MCC: variants seen among roughly 807,000 people sequenced by gnomAD.
MCC encodes the protein MCC regulator of Wnt signaling pathway.
In MCC, 90 loss-of-function variants were observed where a neutral mutation model predicts 116.2. That is an observed-to-expected ratio of 0.77 (90% confidence interval 0.65 to 0.92). MCC has a LOEUF of 0.92. MCC is among the 40% of genes least tolerant of loss of function. The probability of loss-of-function intolerance (pLI) is 0.00; values close to 1 mark genes in which losing one functional copy is unlikely to be tolerated. For synonymous variants in MCC, 578 were observed against 510.5 expected, an observed-to-expected ratio of 1.13 and a Z score of -1.78; for missense variants, 1,516 against 1,312.2, an observed-to-expected ratio of 1.16 and a Z score of -2.40.
intron 3 of MCC, among the ~76,000 whole-genome samples, chr5:113,205,466 T>C (rs1581251125): frequency 6.6e-6 from 1 of 152,220 alleles, no homozygotes; most frequent in South Asian, 2.1e-4. Flanking sequence ...TGCTCTGCCA[T>C]GTCCCTTGTG....
At chr5:113,378,208 C>T (rs1256916797) in intron 2 of MCC, among the ~76,000 whole-genome samples, 1 of 152,198 alleles carries the variant, frequency 6.6e-6, no homozygotes, top group Non-Finnish European at 1.5e-5. Flanking sequence ...CTCCCTTGGG[C>T]TTGTGGGTTT....
At chr5:113,231,831 G>A (rs1763950773) in intron 3 of MCC, among the ~76,000 whole-genome samples, 1 of 152,074 alleles carries the variant, frequency 6.6e-6, no homozygotes, top group African/African-American at 2.4e-5. Context: ...TTTATTATAA[G>A]GCTATTTCAC....
chr5:113,152,674 G>C (rs958597810), intron 3 of MCC, among the ~76,000 whole-genome samples: 2 of 152,300 alleles, frequency 1.3e-5, no homozygotes, highest in South Asian at 4.2e-4. Flanking sequence ...TTCAGGGTGA[G>C]GGTGGGGTGG....
intron 3 of MCC, among the ~76,000 whole-genome samples, chr5:113,271,173 G>C (rs1765605310): frequency 6.6e-6 from 1 of 152,178 alleles, no homozygotes; most frequent in African/African-American, 2.4e-5. Context: ...GAATTGCAAG[G>C]ATATAATGCA....
intron 3 of MCC, among the ~76,000 whole-genome samples, chr5:113,226,331 G>GT (rs1473547548): frequency 6.6e-6 from 1 of 152,246 alleles, no homozygotes; most frequent in Non-Finnish European, 1.5e-5. Context: ...AGGGATGAAT[G>GT]TAACTGGAAA....
intron 3 of MCC, among the ~76,000 whole-genome samples, chr5:113,168,985 G>C (rs1035456281): frequency 6.6e-6 from 1 of 152,164 alleles, no homozygotes; most frequent in African/African-American, 2.4e-5. Flanking sequence ...GATTGTGTTA[G>C]CTAAGCAAAC....
chr5:113,179,210 T>C (rs1028169395), intron 3 of MCC, among the ~76,000 whole-genome samples: 1 of 152,178 alleles, frequency 6.6e-6, no homozygotes, highest in African/African-American at 2.4e-5. Flanking sequence ...TATAGCACCA[T>C]TAATCTTATG....
At chr5:113,444,017 G>C (rs1771131397) in intron 1 of MCC, among the ~76,000 whole-genome samples, 1 of 151,830 alleles carries the variant, frequency 6.6e-6, no homozygotes, top group Admixed American at 6.6e-5. Flanking sequence ...GTGTGTGTGT[G>C]TGTGTTTAGT....
chr5:113,187,856 G>T (rs1311806974), intron 3 of MCC, among the ~76,000 whole-genome samples: 3 of 151,950 alleles, frequency 2.0e-5, no homozygotes, highest in African/African-American at 7.3e-5. Flanking sequence ...CATCACAAAT[G>T]TGAGCCATAC....
chr5:113,121,232 G>A (rs1453085977), intron 6 of MCC, among the ~76,000 whole-genome samples: 3 of 152,136 alleles, frequency 2.0e-5, no homozygotes, highest in Non-Finnish European at 4.4e-5. Context: ...TTCATCTATG[G>A]ATTCTTTCTC....
chr5:113,287,737 A>C (rs1766319859), intron 3 of MCC, among the ~76,000 whole-genome samples: 1 of 152,206 alleles, frequency 6.6e-6, no homozygotes. Context: ...CTAGGCAGCT[A>C]TTACAACTGC....
chr5:113,220,338 C>T (rs1763502359), intron 3 of MCC, among the ~76,000 whole-genome samples: 2 of 151,916 alleles, frequency 1.3e-5, no homozygotes, highest in African/African-American at 2.4e-5. Context: ...GGATTTCAGG[C>T]GTGAGCCACT....
intron 18 of MCC, among the ~76,000 whole-genome samples, chr5:113,027,797 T>C (rs1221703711): frequency 6.6e-6 from 1 of 152,190 alleles, no homozygotes; most frequent in Non-Finnish European, 1.5e-5. Flanking sequence ...AACGGATAAA[T>C]ACAAATAGTG....
intron 2 of MCC, among the ~76,000 whole-genome samples, chr5:113,366,324 T>C (rs1357703944): frequency 1.3e-5 from 2 of 150,362 alleles, no homozygotes; most frequent in Non-Finnish European, 3.0e-5. Flanking sequence ...TCTTAGTAGG[T>C]TTTTTTTTAT....
At chr5:113,217,132 A>G (rs2150326702) in intron 3 of MCC, among the ~76,000 whole-genome samples, 1 of 152,346 alleles carries the variant, frequency 6.6e-6, no homozygotes, top group East Asian at 1.9e-4. Flanking sequence ...CATATTTTAA[A>G]TTATGAAAAC....
intron 1 of MCC, among the ~76,000 whole-genome samples, chr5:113,416,356 T>C (rs896348535): frequency 6.6e-6 from 1 of 152,000 alleles, no homozygotes; most frequent in Non-Finnish European, 1.5e-5. Flanking sequence ...GAGTTTGAGG[T>C]TGTAGTGTGC....
At chr5:113,308,706 G>A (rs1767058715) in intron 3 of MCC, among the ~76,000 whole-genome samples, 1 of 152,034 alleles carries the variant, frequency 6.6e-6, no homozygotes, top group Non-Finnish European at 1.5e-5. Context: ...AGCTACTCAG[G>A]ACGCTGAAGT....
At chr5:113,456,832 G>A (rs998445575) in intron 1 of MCC, among the ~76,000 whole-genome samples, 7 of 151,272 alleles carry the variant, frequency 4.6e-5, no homozygotes, top group East Asian at 1.9e-4. Context: ...TGTGCACAAC[G>A]TGCACTACTT....
chr5:113,064,132 G>A lies in MCC; in HGVS notation c.2065C>T (p.Leu689Phe), dbSNP rs1050895533. ...TTCCGGCAGTCATGAGCTCGCTTGA[G>A]CATCTGAGTGATGTTTTCATCCCCC... ...QSGDENITQMLKRAHDCRKTA... is the reference protein window; with the variant it reads ...QSGDENITQMFKRAHDCRKTA... Residue 689 changes from leucine (L) to phenylalanine (F), a missense_variant, in exon 14 of 19, where the codon CTC (leucine) becomes TTC (phenylalanine). Transcript: ENST00000408903. 4 of 1,613,648 alleles carry A rather than the reference G, an allele frequency of 2.5e-6. No individual in the cohort carries two copies. The highest frequency in any genetic ancestry group is 2.5e-6 in the Non-Finnish European group (3 of 1,179,712).
Sources: gnomAD v4.1 joint callset for allele counts (sites outside exome capture counted in the v4.1 genomes callset) on GRCh38, gnomAD v4.1.1 for gene constraint, MANE v1.5 for transcripts, NCBI Gene and HGNC (gene_info 2026-07-23, HGNC 2026-07-21) for gene names.